PDILT: variants seen among roughly 807,000 people sequenced by gnomAD.
The protein encoded by PDILT is protein disulfide isomerase like, testis expressed.
PDILT carries 43 observed loss-of-function variants against 53.7 expected under a neutral mutation model. The observed-to-expected ratio is 0.80, with a 90% CI of 0.63 to 1.03. The LOEUF (loss-of-function observed/expected upper bound fraction) is 1.03, where lower values mean the gene tolerates loss of function less well. PDILT is among the 50% of genes least tolerant of loss of function. The pLI is 0.00. For synonymous variants in PDILT, 282 were observed against 274.2 expected, an observed-to-expected ratio of 1.03 and a Z score of -0.28; for missense variants, 727 against 712.3, an observed-to-expected ratio of 1.02 and a Z score of -0.24.
intron 8 of PDILT, among the ~76,000 whole-genome samples, chr16:20,366,891 C>T (rs919997756): frequency 4.6e-5 from 7 of 151,990 alleles, no homozygotes. Flanking sequence ...TCTATTTCTA[C>T]CATGCAAATC....
At position 20,383,798 on chromosome 16, in the gene PDILT, T is replaced by C. The variant is rs564264486; in HGVS notation, c.409+847A>G. Among the ~76,000 whole-genome samples, 3 of 152,308 alleles carry C rather than the reference T, an allele frequency of 2.0e-5. No homozygotes were observed. In the South Asian group the frequency reaches 6.2e-4, roughly 32 times the overall value. ...GGCACTTCTGTGTTCATCAGTTTTG[T>C]TACTTCCATCCTTCCATCCATTTAT... On this transcript the variant is annotated intron_variant, in intron 3 of 11. Coordinates refer to ENST00000302451, the MANE Select transcript of PDILT (RefSeq NM_174924.2).
At chr16:20,391,115 A>G (rs1966601703) in intron 2 of PDILT, 1 of 156,070 alleles carries the variant, frequency 6.4e-6, no homozygotes, top group Non-Finnish European at 1.4e-5. Flanking sequence ...CATCATCACC[A>G]TCATAACAAT....
chr16:20,376,268 C>A, intron 3 of PDILT, 67 bp from the exon 4 acceptor site: 1 of 1,585,884 alleles, frequency 6.3e-7, no homozygotes, highest in South Asian at 1.2e-5. Flanking sequence ...AGAAGCTGGT[C>A]TTTCTCAAGT....
At chr16:20,377,045 G>A (rs1362309948) in intron 3 of PDILT, among the ~76,000 whole-genome samples, 1 of 152,194 alleles carries the variant, frequency 6.6e-6, no homozygotes, top group African/African-American at 2.4e-5. Flanking sequence ...AGCACTTTGG[G>A]AGACTAACGC....
chr16:20,365,579 A>T, intron 8 of PDILT, 39 bp from the exon 9 acceptor site: 1 of 1,596,874 alleles, frequency 6.3e-7, no homozygotes, highest in Non-Finnish European at 8.5e-7. Flanking sequence ...GTCTTCATAA[A>T]GGGTCTTGAA....
chr16:20,382,298 G>A (rs1966471464), intron 3 of PDILT, among the ~76,000 whole-genome samples: 1 of 152,236 alleles, frequency 6.6e-6, no homozygotes, highest in African/African-American at 2.4e-5. Context: ...CTCTTGCTTA[G>A]AGTACAGCGC....
rs1966064365 is a variant in PDILT, at chr16:20,359,404, G to A, written c.1670C>T (p.Thr557Ile). 6.2e-6 allele frequency: 10 copies of A among 1,614,124 alleles called. No individual in the cohort carries two copies. Among genetic ancestry groups the A allele is most frequent in the Non-Finnish European group, 8.5e-6 (10 of 1,180,022 alleles). Residue 557 changes from threonine (T) to isoleucine (I), a missense_variant, in exon 12 of 12, where the codon ACA becomes ATA. Coordinates refer to ENST00000302451, the MANE Select transcript of PDILT (RefSeq NM_174924.2). The part of the protein sequence containing the change: ...KLEEPAGKKK[T>I]SEEVVVVVAK... The stretch of plus-strand genomic sequence containing the variant: ...CACCACCACCACCACCTCCTCAGAT[G>A]TTTTCTTCTTCCCAGCGGGCTCTTC...
In PDILT at chr16:20,376,143, T is replaced by C. The variant is rs762270776; in HGVS notation, c.468A>G (p.Ala156=). 2.5e-6 allele frequency: 4 copies of C among 1,614,154 alleles called. No individual in the cohort carries two copies. The South Asian group carries it at 3.3e-5, about 13-fold the overall frequency. Residue 156 remains alanine (A), a synonymous_variant, in exon 4 of 12, where the codon GCA becomes GCG. Transcript: ENST00000302451. ...VWLRRQISQK[A]FLFNSSEQVA... is the part of the protein sequence containing the mutation. ...CCTGCTCGCTGCTGTTGAACAAAAA[T>C]GCTTTCTGGCTAATTTGTCGTCTCA...
At chr16:20,390,040 G>A (rs144485672) in intron 2 of PDILT, among the ~76,000 whole-genome samples, 37 of 152,252 alleles carry the variant, frequency 2.4e-4, no homozygotes, top group African/African-American at 6.0e-4. Context: ...TCAAATGTCC[G>A]TAGGGCTTAG....
At position 20,384,785 on chromosome 16, in the gene PDILT, C is replaced by A; in HGVS notation, c.269G>T (p.Gly90Val). 1.2e-6 allele frequency: 2 copies of A among 1,614,128 alleles called. No individual in the cohort carries two copies. The highest frequency in any genetic ancestry group is 1.7e-6 in the Non-Finnish European group (2 of 1,180,022). Reference protein sequence around the residue: ...EELGKAVEIMGKGKNGIGFGK... With the variant: ...EELGKAVEIMVKGKNGIGFGK... ...AAAGCCGATCCCATTCTTGCCTTTGCCCATGATCTCCACAGCTTTGCCCAG... is the reference window on the plus strand; with the variant it reads ...AAAGCCGATCCCATTCTTGCCTTTGACCATGATCTCCACAGCTTTGCCCAG... The change falls in exon 3 of 12, where the codon GGC becomes GTC. Residue 90 changes from glycine to valine, a missense_variant. Transcript: ENST00000302451.
intron 3 of PDILT, among the ~76,000 whole-genome samples, chr16:20,379,075 G>T (rs1244062082): frequency 6.6e-6 from 1 of 151,750 alleles, no homozygotes; most frequent in Non-Finnish European, 1.5e-5. Flanking sequence ...GTGCAGTGGT[G>T]TAGTCGTGGC....
chr16:20,379,892 A>G (rs1966439328), intron 3 of PDILT, among the ~76,000 whole-genome samples: 1 of 152,168 alleles, frequency 6.6e-6, no homozygotes, highest in Admixed American at 6.5e-5. Context: ...CCTCTGAGAT[A>G]TCAGCCTCAA....
chr16:20,367,273 T>A (rs1465073200), intron 8 of PDILT, among the ~76,000 whole-genome samples: 1 of 151,874 alleles, frequency 6.6e-6, no homozygotes, highest in Non-Finnish European at 1.5e-5. Context: ...CGGCTAATGT[T>A]TTGTATTTTT....
intron 3 of PDILT, among the ~76,000 whole-genome samples, chr16:20,381,488 T>C (rs79746097): frequency 0.27 from 41,136 of 151,566 alleles, 5,789 homozygotes; most frequent in South Asian, 0.3. Context: ...TACTAAAAAT[T>C]AGCTGGGAGT....
intron 2 of PDILT, among the ~76,000 whole-genome samples, chr16:20,387,984 T>C (rs1197806308): frequency 6.6e-6 from 1 of 152,136 alleles, no homozygotes; most frequent in Non-Finnish European, 1.5e-5. Flanking sequence ...CAAGAGATGG[T>C]GATGGCTTTG....
At chr16:20,360,494 CTT>C (rs1360730640) in intron 11 of PDILT, 72 bp downstream of exon 11, 2 of 1,324,244 alleles carry the variant, frequency 1.5e-6, no homozygotes, top group South Asian at 1.2e-5. Flanking sequence ...CAGCCATACT[CTT>C]TTGTTGTCCA....
chr16:20,366,965 TTC>T (rs1966202749), intron 8 of PDILT, among the ~76,000 whole-genome samples: 18 of 147,288 alleles, frequency 1.2e-4, no homozygotes, highest in Admixed American at 1.1e-3. Flanking sequence ...CCTTCCTTCC[TTC>T]CTTCCTTCCT....
intron 1 of PDILT, among the ~76,000 whole-genome samples, chr16:20,402,579 ATGAGCCAC>A (rs1260811804): frequency 6.6e-6 from 1 of 152,216 alleles, no homozygotes; most frequent in Non-Finnish European, 1.5e-5. Context: ...GATGACAGGC[ATGAGCCAC>A]TGTGCCTGGC....
chr16:20,378,727 G>A (rs907128743), intron 3 of PDILT, among the ~76,000 whole-genome samples: 1 of 152,276 alleles, frequency 6.6e-6, no homozygotes, highest in East Asian at 1.9e-4. Context: ...TCCTGTGTTA[G>A]TTTGCTGAGA....
Sources: allele counts gnomAD v4.1 joint callset (sites outside exome capture counted in the v4.1 genomes callset), GRCh38; gene constraint gnomAD v4.1.1; transcripts MANE v1.5; gene names NCBI Gene and HGNC (gene_info 2026-07-23, HGNC 2026-07-21).